ENOX1: variants seen among roughly 807,000 people sequenced by gnomAD.
The protein encoded by ENOX1 is ecto-NOX disulfide-thiol exchanger 1.
ENOX1 carries 42 observed loss-of-function variants against 82.5 expected under a neutral mutation model. That is an observed-to-expected ratio of 0.51 (90% CI 0.40 to 0.66). The LOEUF (loss-of-function observed/expected upper bound fraction) is 0.66, where lower values mean the gene tolerates loss of function less well. Ranked by LOEUF, ENOX1 falls within the 30% of genes least tolerant of loss-of-function variation. ENOX1 has a pLI of 0.00. For missense variants in ENOX1, 608 were observed against 811.6 expected, an observed-to-expected ratio of 0.75 and a Z score of 3.05; for synonymous variants, 271 against 282.2, an observed-to-expected ratio of 0.96 and a Z score of 0.40.
At chr13:43,427,105 G>A (rs1231570525) in intron 3 of ENOX1, among the ~76,000 whole-genome samples, 2 of 152,118 alleles carry the variant, frequency 1.3e-5, no homozygotes, top group Non-Finnish European at 2.9e-5. Context: ...CTAGAGAGGT[G>A]GGGATTTTTT....
intron 1 of ENOX1, among the ~76,000 whole-genome samples, chr13:43,736,766 G>T (rs893107228): frequency 1.7e-4 from 26 of 152,278 alleles, no homozygotes; most frequent in Middle Eastern, 6.8e-3. Context: ...GGCAGGTTCT[G>T]CAGGCTTTAG....
chr13:43,455,385 C>T (rs2057176729), intron 3 of ENOX1, among the ~76,000 whole-genome samples: 2 of 152,082 alleles, frequency 1.3e-5, no homozygotes, highest in African/African-American at 4.8e-5. Context: ...ATTCTGAAGT[C>T]TTAGAGTAAA....
intron 2 of ENOX1, among the ~76,000 whole-genome samples, chr13:43,560,857 T>C (rs2079637716): frequency 2.0e-5 from 3 of 152,066 alleles, no homozygotes; most frequent in Admixed American, 2.0e-4. Context: ...TCCTGCTGAG[T>C]TTCAGATCAT....
At chr13:43,616,805 G>C (rs1348272513) in intron 2 of ENOX1, among the ~76,000 whole-genome samples, 3 of 152,088 alleles carry the variant, frequency 2.0e-5, no homozygotes, top group Non-Finnish European at 4.4e-5. Flanking sequence ...GGAGGTACTA[G>C]AGGAAATATC....
intron 3 of ENOX1, among the ~76,000 whole-genome samples, chr13:43,433,339 A>C (rs2055800232): frequency 6.6e-6 from 1 of 152,144 alleles, no homozygotes; most frequent in Non-Finnish European, 1.5e-5. Context: ...CGCTACTTCA[A>C]GAACAACACC....
At chr13:43,365,730 C>G (rs144713109) in intron 5 of ENOX1, among the ~76,000 whole-genome samples, 1 of 152,336 alleles carries the variant, frequency 6.6e-6, no homozygotes, top group Non-Finnish European at 1.5e-5. Flanking sequence ...ATAGACCCCT[C>G]AGTTATCAGA....
chr13:43,770,295 TAGA>T (rs1322087618), intron 1 of ENOX1, among the ~76,000 whole-genome samples: 3 of 152,160 alleles, frequency 2.0e-5, no homozygotes, highest in Non-Finnish European at 4.4e-5. Flanking sequence ...ATGGTGTAAG[TAGA>T]AGGAGTAAAA....
At chr13:43,244,927 T>G (rs1239079537) in intron 14 of ENOX1, among the ~76,000 whole-genome samples, 1 of 152,218 alleles carries the variant, frequency 6.6e-6, no homozygotes, top group Non-Finnish European at 1.5e-5. Context: ...TATAGATAAT[T>G]GTCAAGATGT....
In ENOX1 at chr13:43,329,784, G is replaced by T. The variant is rs2048323189; in HGVS notation, c.1037-3259C>A. Reference sequence around the variant, plus strand: ...AAACCCCAATAACTGTGTAACTCAGGTTTGGAAACCACTCTCACAGTATTC... The same window carrying T: ...AAACCCCAATAACTGTGTAACTCAGTTTTGGAAACCACTCTCACAGTATTC... On this transcript the variant is annotated intron_variant, in intron 9 of 16. Coordinates refer to ENST00000690772, the MANE Select transcript of ENOX1 (RefSeq NM_001347969.2). Among the ~76,000 whole-genome samples, 4 of 152,046 alleles carry T rather than the reference G, an allele frequency of 2.6e-5. No individual in the cohort carries two copies. In the South Asian group the frequency reaches 8.3e-4, roughly 32 times the overall value.
intron 5 of ENOX1, among the ~76,000 whole-genome samples, chr13:43,372,598 C>G (rs1432489878): frequency 6.6e-6 from 1 of 152,074 alleles, no homozygotes; most frequent in Non-Finnish European, 1.5e-5. Context: ...TACAACCTAA[C>G]AGGAACATAA....
At chr13:43,314,462 C>T (rs889527585) in intron 11 of ENOX1, among the ~76,000 whole-genome samples, 6 of 152,240 alleles carry the variant, frequency 3.9e-5, no homozygotes, top group Admixed American at 1.3e-4. Flanking sequence ...CTAGCATCTT[C>T]AAGTCTTCGA....
At position 43,322,481 on chromosome 13, in the gene ENOX1, A is replaced by T. The variant is rs1004524198; in HGVS notation, c.1164T>A (p.Ser388Arg). ...KHSEELRNAQ[S>R]EQLMGIRREE... Reference sequence around the variant, plus strand: ...CGCGGCGGATGCCCATGAGCTGCTCACTTTGAGCATTCCGGAGCTCCTGCA... The same window carrying T: ...CGCGGCGGATGCCCATGAGCTGCTCTCTTTGAGCATTCCGGAGCTCCTGCA... The change falls in exon 11 of 17, where the codon AGT becomes AGA. Residue 388 changes from serine (S) to arginine (R), a missense_variant. Ser to Arg is a moderately radical substitution (Grantham distance 110). Transcript: ENST00000690772. 1 of 1,613,852 alleles carries T rather than the reference A, an allele frequency of 6.2e-7. No individual in the cohort carries two copies. The highest frequency in any genetic ancestry group is 8.5e-7 in the Non-Finnish European group (1 of 1,179,880).
chr13:43,722,703 T>C (rs1439826406), intron 1 of ENOX1, among the ~76,000 whole-genome samples: 1 of 152,102 alleles, frequency 6.6e-6, no homozygotes, highest in Non-Finnish European at 1.5e-5. Context: ...ATTACTCTTA[T>C]CACTGTTATT....
At chr13:43,455,143 C>T (rs1371353701) in intron 3 of ENOX1, among the ~76,000 whole-genome samples, 1 of 152,134 alleles carries the variant, frequency 6.6e-6, no homozygotes, top group Non-Finnish European at 1.5e-5. Context: ...TTTGTTGAGA[C>T]CTCATGTGTC....
At chr13:43,311,345 G>A (rs930268148) in intron 11 of ENOX1, among the ~76,000 whole-genome samples, 14 of 135,802 alleles carry the variant, frequency 1.0e-4, no homozygotes, top group Non-Finnish European at 1.7e-4. Context: ...GTACTGTGAG[G>A]ATTAAATAGG....
At chr13:43,467,078 G>T (rs768978514) in intron 3 of ENOX1, among the ~76,000 whole-genome samples, 4 of 152,168 alleles carry the variant, frequency 2.6e-5, no homozygotes, top group Admixed American at 6.5e-5. Context: ...GAATAAAATT[G>T]CTATGAACAC....
At chr13:43,510,323 T>C (rs1331913726) in intron 2 of ENOX1, among the ~76,000 whole-genome samples, 11 of 152,154 alleles carry the variant, frequency 7.2e-5, no homozygotes, top group Admixed American at 7.2e-4. Context: ...TAATTACTTA[T>C]ACAATCCTTT....
intron 3 of ENOX1, among the ~76,000 whole-genome samples, chr13:43,435,856 A>G (rs1036749584): frequency 6.6e-6 from 1 of 152,102 alleles, no homozygotes; most frequent in South Asian, 2.1e-4. Context: ...AGGCAGAAGA[A>G]AGGTGTTATT....
chr13:43,680,448 C>T (rs2085727202), intron 1 of ENOX1, among the ~76,000 whole-genome samples: 1 of 152,060 alleles, frequency 6.6e-6, no homozygotes, highest in African/African-American at 2.4e-5. Flanking sequence ...AAGCACTATA[C>T]CAATTCTAAA....
Sources: gnomAD v4.1 joint callset for allele counts (sites outside exome capture counted in the v4.1 genomes callset) on GRCh38, gnomAD v4.1.1 for gene constraint, MANE v1.5 for transcripts, NCBI Gene and HGNC (gene_info 2026-07-23, HGNC 2026-07-21) for gene names.